Variants in PTPRD observed in about 807,000 individuals in gnomAD.
The protein encoded by PTPRD is protein tyrosine phosphatase receptor type D.
Under a neutral mutation model 214.5 loss-of-function variants are expected in PTPRD, and 34 were observed. That is an observed-to-expected ratio of 0.16 (90% CI 0.12 to 0.21). PTPRD has a LOEUF of 0.21. Ranked by LOEUF, PTPRD falls within the 10% of genes least tolerant of loss-of-function variation. The probability of loss-of-function intolerance (pLI) is 1.00; values close to 1 mark genes in which losing one functional copy is unlikely to be tolerated. For synonymous variants in PTPRD, 1,128 were observed against 845.7 expected (o/e 1.33, Z -5.79); for missense variants, 2,545 against 2,398.7 (o/e 1.06, Z -1.27).
intron 11 of PTPRD, among the ~76,000 whole-genome samples, chr9:8,933,339 G>GTTTTTTTTTTT (rs1567089304): frequency 1.6e-4 from 11 of 68,802 alleles, no homozygotes; most frequent in East Asian, 5.9e-4. Flanking sequence ...ACAACCTTGA[G>GTTTTTTTTTTT]GTTTTTTTTT....
chr9:9,909,942 G>A (rs1179522286), intron 5 of PTPRD, among the ~76,000 whole-genome samples: 3 of 151,790 alleles, frequency 2.0e-5, no homozygotes, highest in Non-Finnish European at 4.4e-5. Context: ...AGTAGATAAG[G>A]CATGCATACA....
At chr9:10,274,181 G>A (rs758312490) in intron 3 of PTPRD, among the ~76,000 whole-genome samples, 1 of 152,080 alleles carries the variant, frequency 6.6e-6, no homozygotes, top group Non-Finnish European at 1.5e-5. Context: ...AAAATTAGAC[G>A]GCAGGTAAGC....
rs377454612 is a variant in PTPRD, at chr9:10,301,097, G to T, written c.-545+39866C>A. Among the ~76,000 whole-genome samples the T allele has an allele frequency of 7.8e-4, 118 of 152,230 alleles. 2 individuals carry two copies. The South Asian group carries it at 0.022, about 28-fold the overall frequency. Reference sequence around the variant, plus strand: ...AGGAAGCAATCTTTGCTGTTCTGCAGTCTCTGCTGGTGATACCCAGGCAAA... The same window carrying T: ...AGGAAGCAATCTTTGCTGTTCTGCATTCTCTGCTGGTGATACCCAGGCAAA... On this transcript the variant is annotated intron_variant, in intron 3 of 45. Transcript: ENST00000381196.
At chr9:8,588,732 G>A (rs78887197) in intron 14 of PTPRD, among the ~76,000 whole-genome samples, 5,697 of 152,116 alleles carry the variant, frequency 0.037, 215 homozygotes, top group African/African-American at 0.097. Context: ...AAGAAAACCA[G>A]ACACTACTTG....
chr9:8,728,352 T>C (rs1175322766), intron 12 of PTPRD, among the ~76,000 whole-genome samples: 2 of 152,190 alleles, frequency 1.3e-5, no homozygotes, highest in Non-Finnish European at 2.9e-5. Flanking sequence ...CAAAAAGACA[T>C]TTTTATTTTA....
At chr9:8,738,560 A>C (rs1350941924) in intron 11 of PTPRD, among the ~76,000 whole-genome samples, 1 of 152,134 alleles carries the variant, frequency 6.6e-6, no homozygotes, top group Non-Finnish European at 1.5e-5. Context: ...TATATTAAAA[A>C]AAAAAAATCC....
chr9:9,626,686 T>C (rs904359004), intron 7 of PTPRD, among the ~76,000 whole-genome samples: 2 of 152,200 alleles, frequency 1.3e-5, no homozygotes, highest in Non-Finnish European at 2.9e-5. Flanking sequence ...ATATAATATT[T>C]AATCTGAAAC....
At chr9:9,751,686 T>A (rs10977947) in intron 6 of PTPRD, among the ~76,000 whole-genome samples, 6,930 of 151,912 alleles carry the variant, frequency 0.046, 742 homozygotes, top group East Asian at 0.4. Context: ...AAGACAGAGA[T>A]TGGAATGATA....
chr9:9,333,469 T>C (rs2043102326), intron 9 of PTPRD, among the ~76,000 whole-genome samples: 1 of 139,544 alleles, frequency 7.2e-6, no homozygotes, highest in South Asian at 2.2e-4. Context: ...CAATGATATA[T>C]AAATATATAT....
chr9:10,492,117 TG>T (rs1439921159), intron 2 of PTPRD, among the ~76,000 whole-genome samples: 2 of 152,202 alleles, frequency 1.3e-5, no homozygotes, highest in Non-Finnish European at 2.9e-5. Flanking sequence ...CTATCATTGA[TG>T]GGCATTTGGG....
intron 12 of PTPRD, among the ~76,000 whole-genome samples, chr9:8,671,158 A>C (rs1437228232): frequency 6.6e-6 from 1 of 152,194 alleles, no homozygotes; most frequent in East Asian, 1.9e-4. Flanking sequence ...CAAAATAGAA[A>C]ATAAATGTAT....
chr9:8,755,927 GTAA>G (rs2093956697), intron 11 of PTPRD, among the ~76,000 whole-genome samples: 1 of 152,194 alleles, frequency 6.6e-6, no homozygotes, highest in African/African-American at 2.4e-5. Context: ...ACAGCAATAT[GTAA>G]TATTAGTAAA....
intron 33 of PTPRD, among the ~76,000 whole-genome samples, chr9:8,459,172 A>C (rs1564967364): frequency 6.6e-6 from 1 of 151,892 alleles, no homozygotes; most frequent in Admixed American, 6.6e-5. Flanking sequence ...ATTAATATAA[A>C]CCCCCCAAAA....
At chr9:9,585,268 T>C (rs1267008698) in intron 7 of PTPRD, among the ~76,000 whole-genome samples, 2 of 152,086 alleles carry the variant, frequency 1.3e-5, no homozygotes, top group African/African-American at 2.4e-5. Flanking sequence ...CAGGGATGTT[T>C]GAGTGAATGC....
At chr9:10,349,083 G>C (rs2097139223) in intron 2 of PTPRD, among the ~76,000 whole-genome samples, 1 of 151,970 alleles carries the variant, frequency 6.6e-6, no homozygotes, top group African/African-American at 2.4e-5. Flanking sequence ...TATTGTCTAT[G>C]TTATATTATA....
intron 12 of PTPRD, among the ~76,000 whole-genome samples, chr9:8,654,840 A>C (rs2096878615): frequency 6.6e-6 from 1 of 152,140 alleles, no homozygotes; most frequent in Non-Finnish European, 1.5e-5. Flanking sequence ...ATTGTTCAAG[A>C]CCATTAACTT....
At chr9:8,927,643 T>A (rs1041354718) in intron 11 of PTPRD, among the ~76,000 whole-genome samples, 2 of 152,210 alleles carry the variant, frequency 1.3e-5, no homozygotes, top group South Asian at 4.1e-4. Flanking sequence ...GTCTTTGCTA[T>A]TGTGAACAGT....
rs185104496 is a variant in PTPRD at position 8,613,741 on chromosome 9, C to G, written c.352+19576G>C. On this transcript the variant is annotated intron_variant, in intron 14 of 45. Coordinates refer to ENST00000381196, the MANE Select transcript of PTPRD (RefSeq NM_002839.4). Reference sequence around the variant, plus strand: ...CTGTCTGCATGAACACAAAATGAGTCTAATCCCTCTTCTACATGACAGTCC... The same window carrying G: ...CTGTCTGCATGAACACAAAATGAGTGTAATCCCTCTTCTACATGACAGTCC... Among the ~76,000 whole-genome samples, 5 of 152,258 alleles carry G rather than the reference C, an allele frequency of 3.3e-5. No individual in the cohort carries two copies. The East Asian group carries it at 9.7e-4, about 29-fold the overall frequency.
intron 2 of PTPRD, among the ~76,000 whole-genome samples, chr9:10,376,464 T>G (rs940454207): frequency 6.6e-6 from 1 of 151,660 alleles, no homozygotes; most frequent in Non-Finnish European, 1.5e-5. Context: ...GCCTCAAAAT[T>G]CATTCTAAAT....
Sources: gnomAD v4.1 joint callset for allele counts (sites outside exome capture counted in the v4.1 genomes callset) on GRCh38, gnomAD v4.1.1 for gene constraint, MANE v1.5 for transcripts, NCBI Gene and HGNC (gene_info 2026-07-23, HGNC 2026-07-21) for gene names.